The following PCCB variants were observed in gnomAD, a reference collection of about 807,000 sequenced individuals.
PCCB encodes propionyl-CoA carboxylase beta chain, mitochondrial.
PCCB carries 43 observed loss-of-function variants against 60.7 expected under a neutral mutation model. The observed-to-expected ratio is 0.71, with a 90% confidence interval of 0.55 to 0.91. PCCB has a LOEUF of 0.91. Ranked by LOEUF, PCCB falls within the 40% of genes least tolerant of loss-of-function variation. The probability of loss-of-function intolerance (pLI) is 0.00; values close to 1 mark genes in which losing one functional copy is unlikely to be tolerated. For missense variants in PCCB, 766 were observed against 702.8 expected (o/e 1.09, Z -1.02); for synonymous variants, 276 against 255.9 (o/e 1.08, Z -0.75).
At chr3:136,280,205 A>G (rs1942440967) in intron 5 of PCCB, among the ~76,000 whole-genome samples, 1 of 152,224 alleles carries the variant, frequency 6.6e-6, no homozygotes, top group Non-Finnish European at 1.5e-5. Flanking sequence ...GACTCCCTGT[A>G]GAATTTCTTG....
chr3:136,284,317 T>TTTCA (rs67922183), intron 6 of PCCB, among the ~76,000 whole-genome samples: 1 of 151,574 alleles, frequency 6.6e-6, no homozygotes, highest in Non-Finnish European at 1.5e-5. Context: ...AGTTGTTTCT[T>TTTCA]CCTTTATTTC....
chr3:136,290,671 G>GTTTTTTTTTTTTTTTTTTTT lies in PCCB; in HGVS notation c.655-3068_655-3067insTTTTTTTTTTTTTTTTTTTT, dbSNP rs61191314. Among the ~76,000 whole-genome samples, 16 of 60,050 alleles carry GTTTTTTTTTTTTTTTTTTTT rather than the reference G, an allele frequency of 2.7e-4. 2 individuals are homozygous for GTTTTTTTTTTTTTTTTTTTT. Among genetic ancestry groups the GTTTTTTTTTTTTTTTTTTTT allele is most frequent in the Non-Finnish European group, 4.1e-4 (15 of 36,792 alleles). The allele number at this position is 60,050 out of a possible 152,430, so 39.4% of individuals were successfully genotyped here. On this transcript the variant is annotated intron_variant, in intron 6 of 14. Transcript: ENST00000251654. The stretch of plus-strand genomic sequence containing the variant: ...CACTACACCTAGCTTTCTCTGTGTA[G>GTTTTTTTTTTTTTTTTTTTT]TTTTTTTTTTTTTTTTTGTCATTCA...
chr3:136,302,883 A>G lies in PCCB; in HGVS notation c.966+1772A>G, dbSNP rs935393822. ...AGGATCCTTTCATGCCAGGAGCTCA[A>G]AACCAGCCTGGACAACATAATGAGT... On this transcript the variant is annotated intron_variant, in intron 9 of 14. Coordinates refer to ENST00000251654, the MANE Select transcript of PCCB (RefSeq NM_000532.5). Among the ~76,000 whole-genome samples, 8 of 122,240 alleles carry G rather than the reference A, an allele frequency of 6.5e-5. 1 individual carries two copies. The highest frequency in any genetic ancestry group is 1.5e-4 in the Non-Finnish European group (8 of 54,850). 80.2% of individuals were successfully genotyped at this position (122,240 alleles called of 152,430 possible). A position where few individuals can be genotyped will look rare whatever the true frequency, so the allele number is the denominator to read the frequency against.
intron 3 of PCCB, chr3:136,260,263 A>G (rs1443481269): frequency 3.2e-6 from 2 of 632,834 alleles, no homozygotes; most frequent in African/African-American, 1.8e-5. Flanking sequence ...TTTTTTGCAG[A>G]TACGGGCTTC....
chr3:136,260,924 T>C (rs1189467711), intron 4 of PCCB, among the ~76,000 whole-genome samples: 9 of 152,214 alleles, frequency 5.9e-5, no homozygotes, highest in Non-Finnish European at 1.5e-5. Context: ...GCAACAACTT[T>C]AATAGGACGT....
At chr3:136,301,000 T>C (rs1039821887) in intron 8 of PCCB, 30 bp from the exon 9 acceptor site, 1 of 1,574,906 alleles carries the variant, frequency 6.3e-7, no homozygotes. Flanking sequence ...CTTCCTATGT[T>C]GACTATACCT....
chr3:136,264,769 G>T (rs1941938024), intron 5 of PCCB, among the ~76,000 whole-genome samples: 1 of 151,484 alleles, frequency 6.6e-6, no homozygotes, highest in Admixed American at 6.6e-5. Context: ...CAGCTACTTG[G>T]GAGGCTGAGG....
chr3:136,260,550 C>T lies in PCCB; in HGVS notation c.429+15C>T. ...AGATCTGCAAAGTAAGTGTTTAATA[C>T]TCAAATTCAATCCATTGCTTTCCTC... On this transcript the variant is annotated intron_variant, in intron 4 of 14. Transcript: ENST00000251654. The T allele has an allele frequency of 6.2e-7, 1 of 1,601,650 alleles. No individual in the cohort carries two copies. Among genetic ancestry groups the T allele is most frequent in the Non-Finnish European group, 8.6e-7 (1 of 1,169,040 alleles).
chr3:136,330,162 G>C lies in PCCB; in HGVS notation c.*136G>C. 1 of 1,522,530 alleles carries C rather than the reference G, an allele frequency of 6.6e-7. No homozygotes were observed. The highest frequency in any genetic ancestry group is 1.2e-5 in the South Asian group (1 of 83,990). The allele number at this position is 1,522,530 out of a possible 1,614,324, so 94.3% of individuals were successfully genotyped here. ...GAATAACTAAGTTTATTAAATTCTA[G>C]AAAGATCTCTTTTGTGCCTTACTGT... On this transcript the variant is annotated 3_prime_UTR_variant, in exon 15 of 15. Transcript: ENST00000251654.
At chr3:136,295,256 C>T (rs1310535354) in intron 7 of PCCB, among the ~76,000 whole-genome samples, 1 of 152,188 alleles carries the variant, frequency 6.6e-6, no homozygotes, top group African/African-American at 2.4e-5. Context: ...GGCATTGGGT[C>T]AGCATTTAAT....
At chr3:136,285,020 C>T (rs1038819167) in intron 6 of PCCB, among the ~76,000 whole-genome samples, 2 of 146,476 alleles carry the variant, frequency 1.4e-5, no homozygotes, top group Non-Finnish European at 3.0e-5. Context: ...CCCAGAAGGT[C>T]AAGGCAGCAG....
At chr3:136,279,700 C>T (rs1457233068) in intron 5 of PCCB, among the ~76,000 whole-genome samples, 2 of 152,046 alleles carry the variant, frequency 1.3e-5, no homozygotes, top group Admixed American at 6.5e-5. Flanking sequence ...CGGAGTTTCG[C>T]TCTGTCGCCC....
At chr3:136,264,002 ACT>A (rs1330745668) in intron 5 of PCCB, among the ~76,000 whole-genome samples, 4 of 146,176 alleles carry the variant, frequency 2.7e-5, no homozygotes, top group Admixed American at 6.7e-5. Context: ...ACAGAGCAAG[ACT>A]CTGTCTCAAA....
At chr3:136,319,202 A>C (rs972211113) in intron 10 of PCCB, among the ~76,000 whole-genome samples, 2 of 151,978 alleles carry the variant, frequency 1.3e-5, no homozygotes, top group Non-Finnish European at 2.9e-5. Flanking sequence ...GGCCATTTGT[A>C]TATCTTCTTT....
chr3:136,327,177 C>A lies in PCCB; in HGVS notation c.1221C>A (p.Gly407=), dbSNP rs182510469. The A allele has an allele frequency of 2.5e-6, 4 of 1,614,016 alleles. No individual in the cohort carries two copies. The highest frequency in any genetic ancestry group is 1.3e-5 in the African/African-American group (1 of 75,026). ...FLPGTAQEYG[G]IIRHGAKLLY... ...TAGGCACAGCACAGGAATACGGGGG[C>A]ATCATCCGGCATGGTGCCAAGCTTC... Residue 407 remains glycine (G), a synonymous_variant, in exon 12 of 15, where the codon GGC becomes GGA. Coordinates refer to ENST00000251654, the MANE Select transcript of PCCB (RefSeq NM_000532.5).
intron 3 of PCCB, among the ~76,000 whole-genome samples, 160 bp downstream of exon 3, chr3:136,256,783 G>GT (rs1312484295): frequency 6.6e-6 from 1 of 152,190 alleles, no homozygotes; most frequent in East Asian, 1.9e-4. Flanking sequence ...AATATTGTGT[G>GT]TTTTTTACTT....
Position 136,298,054 on chromosome 3 carries a change from G to C in PCCB, c.866G>C (p.Arg289Pro), listed in dbSNP as rs532142254. The C allele has an allele frequency of 1.9e-6, 3 of 1,614,120 alleles. No individual in the cohort carries two copies. The highest frequency in any genetic ancestry group is 1.1e-5 in the South Asian group (1 of 91,084). ...AGCAGTCAGGACCCGGCTCCCGTCC[G>C]TGAGTGCCACGATCCCAGGTGGGTT... is the stretch of plus-strand genomic sequence containing the variant. ...PLSSQDPAPV[R>P]ECHDPSDRLV... The change falls in exon 8 of 15, where the codon CGT (arginine) becomes CCT (proline). Residue 289 changes from arginine to proline, a missense_variant. Transcript: ENST00000251654.
rs139810892 is a variant in PCCB at position 136,286,904 on chromosome 3, G to T, written c.654+2957G>T. ...AAATTAGCCAAGCGTGGTGGTACGT[G>T]CTTGTAATACCAGCTACTCGGGAGG... is the stretch of plus-strand genomic sequence containing the variant. On this transcript the variant is annotated intron_variant, in intron 6 of 14. Coordinates refer to ENST00000251654, the MANE Select transcript of PCCB (RefSeq NM_000532.5). Among the ~76,000 whole-genome samples, 116 of 152,032 alleles carry T rather than the reference G, an allele frequency of 7.6e-4. 1 individual carries two copies. The highest frequency in any genetic ancestry group is 6.8e-3 in the Middle Eastern group (2 of 294).
At chr3:136,264,440 G>GTGTGTGTGTGTA in intron 5 of PCCB, among the ~76,000 whole-genome samples, 1 of 123,782 alleles carries the variant, frequency 8.1e-6, no homozygotes, top group African/African-American at 3.0e-5. Flanking sequence ...ATGTGTGTGT[G>GTGTGTGTGTGTA]TATATATGTA....
Sources: gnomAD v4.1 joint callset for allele counts (sites outside exome capture counted in the v4.1 genomes callset) on GRCh38, gnomAD v4.1.1 for gene constraint, MANE v1.5 for transcripts, NCBI Gene and HGNC (gene_info 2026-07-23, HGNC 2026-07-21) for gene names.